FOXN3: variants seen among roughly 807,000 people sequenced by gnomAD.
The protein encoded by FOXN3 is forkhead box N3.
Under a neutral mutation model 38.4 loss-of-function variants are expected in FOXN3, and 7 were observed. The observed-to-expected ratio is 0.18, with a 90% CI of 0.10 to 0.34. The LOEUF (loss-of-function observed/expected upper bound fraction) is 0.34. Among genes scored for constraint, FOXN3 ranks in the 10% least tolerant of loss-of-function variants. FOXN3 has a pLI of 1.00. For synonymous variants in FOXN3, 230 were observed against 242.2 expected (o/e 0.95, Z 0.47); for missense variants, 456 against 613.4 (o/e 0.74, Z 2.71).
intron 1 of FOXN3, among the ~76,000 whole-genome samples, chr14:89,581,222 C>A (rs779461463): frequency 3.2e-4 from 49 of 151,854 alleles, no homozygotes; most frequent in Admixed American, 6.6e-4. Context: ...TGGCTCACGG[C>A]CATAATCCCA....
chr14:89,252,199 A>G (rs555156634), intron 4 of FOXN3, among the ~76,000 whole-genome samples: 1 of 152,356 alleles, frequency 6.6e-6, no homozygotes, highest in African/African-American at 2.4e-5. Flanking sequence ...ATAACCTGCT[A>G]AACTACCAGC....
At chr14:89,256,535 G>A (rs1272245702) in intron 4 of FOXN3, among the ~76,000 whole-genome samples, 1 of 152,168 alleles carries the variant, frequency 6.6e-6, no homozygotes, top group Non-Finnish European at 1.5e-5. Flanking sequence ...GGAGGTTTGT[G>A]CATCACGCTA....
intron 4 of FOXN3, among the ~76,000 whole-genome samples, chr14:89,265,253 C>T (rs1885935580): frequency 6.6e-6 from 1 of 152,092 alleles, no homozygotes; most frequent in Non-Finnish European, 1.5e-5. Flanking sequence ...CTGGGAAAAC[C>T]AGGAACAGTG....
At chr14:89,458,325 C>G (rs1314431029) in intron 1 of FOXN3, among the ~76,000 whole-genome samples, 1 of 152,206 alleles carries the variant, frequency 6.6e-6, no homozygotes, top group Admixed American at 6.5e-5. Context: ...CTTGCCTTAT[C>G]CTTGTATTAG....
At chr14:89,217,198 G>A (rs973225095) in intron 4 of FOXN3, among the ~76,000 whole-genome samples, 9 of 152,112 alleles carry the variant, frequency 5.9e-5, no homozygotes, top group South Asian at 2.1e-4. Context: ...GCAGTGCTGC[G>A]ATCACAGCTC....
chr14:89,338,536 G>A (rs1044255457), intron 3 of FOXN3, among the ~76,000 whole-genome samples: 19 of 152,196 alleles, frequency 1.2e-4, no homozygotes, highest in Non-Finnish European at 2.4e-4. Context: ...GCTCACGCCT[G>A]TAATCCCAGC....
intron 1 of FOXN3, among the ~76,000 whole-genome samples, chr14:89,435,407 C>T (rs1385253950): frequency 1.3e-5 from 2 of 151,922 alleles, no homozygotes; most frequent in Non-Finnish European, 2.9e-5. Flanking sequence ...GCCCAATACC[C>T]CCACAGGCCC....
At chr14:89,436,039 C>T (rs1347289572) in intron 1 of FOXN3, among the ~76,000 whole-genome samples, 9 of 150,370 alleles carry the variant, frequency 6.0e-5, no homozygotes, top group African/African-American at 2.0e-4. Context: ...TAGGGTCTTG[C>T]TATGTTGCCC....
chr14:89,566,753 T>A (rs941562198), intron 1 of FOXN3, among the ~76,000 whole-genome samples: 4 of 121,980 alleles, frequency 3.3e-5, no homozygotes, highest in Non-Finnish European at 7.9e-5. Flanking sequence ...GGCTTTACCA[T>A]TCCCTCCTCC....
At chr14:89,441,445 A>ATT (rs1892380854) in intron 1 of FOXN3, among the ~76,000 whole-genome samples, 1 of 152,238 alleles carries the variant, frequency 6.6e-6, no homozygotes, top group Non-Finnish European at 1.5e-5. Flanking sequence ...TGGGGCAGTA[A>ATT]TAAGCCGGGG....
At chr14:89,257,619 G>A (rs541023852) in intron 4 of FOXN3, among the ~76,000 whole-genome samples, 101 of 152,204 alleles carry the variant, frequency 6.6e-4, no homozygotes, top group African/African-American at 2.3e-3. Flanking sequence ...GCATAGTGGC[G>A]CACACCTATA....
chr14:89,515,272 C>T (rs1408101531), intron 1 of FOXN3, among the ~76,000 whole-genome samples: 1 of 152,132 alleles, frequency 6.6e-6, no homozygotes, highest in Non-Finnish European at 1.5e-5. Context: ...CTACAGTCCA[C>T]TTTGGGCAAG....
chr14:89,612,898 T>A (rs1350845839), intron 1 of FOXN3, among the ~76,000 whole-genome samples: 1 of 151,174 alleles, frequency 6.6e-6, no homozygotes, highest in Non-Finnish European at 1.5e-5. Context: ...GGTGGGCAGA[T>A]CATGAGGTCA....
At chr14:89,344,956 C>T (rs1262651368) in intron 3 of FOXN3, among the ~76,000 whole-genome samples, 5 of 152,128 alleles carry the variant, frequency 3.3e-5, no homozygotes, top group Non-Finnish European at 7.4e-5. Flanking sequence ...GGGCAAGCAA[C>T]CCAAACACAC....
chr14:89,558,532 C>G (rs1330259014), intron 1 of FOXN3, among the ~76,000 whole-genome samples: 1 of 152,132 alleles, frequency 6.6e-6, no homozygotes, highest in African/African-American at 2.4e-5. Flanking sequence ...CAGTTTAAGG[C>G]TCAAAAACAA....
chr14:89,424,535 C>G (rs1296762091), intron 1 of FOXN3, among the ~76,000 whole-genome samples: 5 of 152,082 alleles, frequency 3.3e-5, no homozygotes. Context: ...TCTACAAACT[C>G]TTACGCAGGT....
At chr14:89,421,489 C>T (rs557238555), upstream of FOXN3, among the ~76,000 whole-genome samples, 83 of 149,178 alleles carry the variant, frequency 5.6e-4, no homozygotes, top group African/African-American at 1.9e-3. Flanking sequence ...TGCAATTGTC[C>T]GTGTGGGCAA....
At chr14:89,372,660 C>T in intron 2 of FOXN3, among the ~76,000 whole-genome samples, 1 of 151,456 alleles carries the variant, frequency 6.6e-6, no homozygotes, top group African/African-American at 2.4e-5. Flanking sequence ...GGGTAACCCA[C>T]AGGAAATTAA....
chr14:89,557,579 G>A (rs1895153308), intron 1 of FOXN3, among the ~76,000 whole-genome samples: 2 of 152,176 alleles, frequency 1.3e-5, no homozygotes, highest in African/African-American at 2.4e-5. Context: ...TGTGGACAAG[G>A]CTTATTGGTG....
Sources: gnomAD v4.1 joint callset for allele counts (sites outside exome capture counted in the v4.1 genomes callset) on GRCh38, gnomAD v4.1.1 for gene constraint, MANE v1.5 for transcripts, NCBI Gene and HGNC (gene_info 2026-07-23, HGNC 2026-07-21) for gene names.